The following PSD3 variants were observed in gnomAD, a reference collection of about 807,000 sequenced individuals.
The protein encoded by PSD3 is pleckstrin and Sec7 domain containing 3.
Under a neutral mutation model 105.5 loss-of-function variants are expected in PSD3, and 49 were observed. The ratio of observed to expected loss-of-function variants is 0.46; its 90% CI spans 0.37 to 0.59. The LOEUF (loss-of-function observed/expected upper bound fraction) is 0.59, where lower values mean the gene tolerates loss of function less well. Ranked by LOEUF, PSD3 falls within the 20% of genes least tolerant of loss-of-function variation. The pLI, the probability that PSD3 is intolerant of heterozygous loss-of-function variation, is 0.00. For missense variants in PSD3, 1,561 were observed against 1,263.8 expected (o/e 1.24, Z -3.57); for synonymous variants, 557 against 457.8 (o/e 1.22, Z -2.77).
chr8:18,625,827 T>C (rs943455605), intron 11 of PSD3, among the ~76,000 whole-genome samples: 12 of 152,162 alleles, frequency 7.9e-5, no homozygotes, highest in African/African-American at 2.9e-4. Context: ...ATTAAATGTA[T>C]TAATGCATGA....
In PSD3 at chr8:19,043,529, C is replaced by G. The variant is rs572501828; in HGVS notation, c.324+40677G>C. Among the ~76,000 whole-genome samples, 22 of 152,176 alleles carry G rather than the reference C, an allele frequency of 1.4e-4. No individual in the cohort carries two copies. In the South Asian group the frequency reaches 3.3e-3, roughly 23 times the overall value. ...GAGTTGTTGGGGGAAATAACATGAC[C>G]ACATATTGTATGAAATCTTGAATAG... is the stretch of plus-strand genomic sequence containing the variant. On this transcript the variant is annotated intron_variant, in intron 1 of 1. Transcript: ENST00000521475.
chr8:18,776,185 C>A (rs1808053767), intron 8 of PSD3, among the ~76,000 whole-genome samples: 1 of 150,748 alleles, frequency 6.6e-6, no homozygotes, highest in South Asian at 2.1e-4. Context: ...TTTCTCTATT[C>A]TGTTCCACTG....
At position 18,535,501 on chromosome 8, in the gene PSD3, G is replaced by A. The variant is rs752505574; in HGVS notation, c.*242C>T. On this transcript the variant is annotated 3_prime_UTR_variant, in exon 16 of 16. Transcript: ENST00000327040. Reference sequence around the variant, plus strand: ...GATACATAATTCATTCTGAAATCACGATCCCCTCCTCCTCACAGAAAAGGT... The same window carrying A: ...GATACATAATTCATTCTGAAATCACAATCCCCTCCTCCTCACAGAAAAGGT... 25 of 504,578 alleles carry A rather than the reference G, an allele frequency of 5.0e-5. No individual in the cohort carries two copies. The highest frequency in any genetic ancestry group is 6.5e-5 in the East Asian group (2 of 30,946). The allele number at this position is 504,578 out of a possible 1,614,324, so 31.3% of individuals were successfully genotyped here.
chr8:18,591,077 A>G (rs2130493488), intron 12 of PSD3, among the ~76,000 whole-genome samples: 1 of 152,276 alleles, frequency 6.6e-6, no homozygotes, highest in South Asian at 2.1e-4. Flanking sequence ...ATGGACCAAA[A>G]TACCTACTAA....
chr8:18,574,940 TG>T (rs1369601877), intron 13 of PSD3, among the ~76,000 whole-genome samples, 187 bp downstream of exon 13: 1 of 151,452 alleles, frequency 6.6e-6, no homozygotes, highest in Non-Finnish European at 1.5e-5. Flanking sequence ...CAGGTAAAAA[TG>T]TAAATCCTGG....
At chr8:18,682,268 ACCATGGGTATACT>A (rs1447527644) in intron 9 of PSD3, among the ~76,000 whole-genome samples, 5 of 152,226 alleles carry the variant, frequency 3.3e-5, no homozygotes, top group Admixed American at 1.3e-4. Flanking sequence ...CTGACTGCAT[ACCATGGGTATACT>A]CCACATTAAA....
At chr8:19,076,866 G>A (rs1829478198) in intron 1 of PSD3, among the ~76,000 whole-genome samples, 1 of 152,132 alleles carries the variant, frequency 6.6e-6, no homozygotes. Context: ...CAGGTAGGAA[G>A]CACGGTGTTA....
At chr8:18,901,091 GT>G (rs1025057841) in intron 2 of PSD3, among the ~76,000 whole-genome samples, 3 of 152,004 alleles carry the variant, frequency 2.0e-5, no homozygotes, top group African/African-American at 4.8e-5. Context: ...AAGTAGATGT[GT>G]TTCTATTTCA....
chr8:18,653,118 G>C (rs1172749383), intron 10 of PSD3, among the ~76,000 whole-genome samples: 1 of 152,120 alleles, frequency 6.6e-6, no homozygotes, highest in Non-Finnish European at 1.5e-5. Context: ...TAATCCCTTT[G>C]TTTTATATCT....
rs1403212321 is a variant in PSD3 at position 18,528,199 on chromosome 8, C to T, written c.*7544G>A. 6.6e-6 allele frequency: 1 copy of T among 152,148 alleles called. No homozygotes were observed. Among genetic ancestry groups the T allele is most frequent in the Non-Finnish European group, 1.5e-5 (1 of 68,040 alleles). The allele number at this position is 152,148 out of a possible 1,614,324, so 9.4% of individuals were successfully genotyped here. A position where few individuals can be genotyped will look rare whatever the true frequency, so the allele number is the denominator to read the frequency against. ...AAGAGACTGCAGGGAGGTGGTTAGG[C>T]CTTTACCTAACAGCTCTGATCTGGA... is the stretch of plus-strand genomic sequence containing the variant. On this transcript the variant is annotated 3_prime_UTR_variant, in exon 16 of 16. Coordinates refer to ENST00000327040, the MANE Select transcript of PSD3 (RefSeq NM_015310.4).
At chr8:18,715,285 AC>A (rs1802512143) in intron 9 of PSD3, among the ~76,000 whole-genome samples, 1 of 152,354 alleles carries the variant, frequency 6.6e-6, no homozygotes, top group African/African-American at 2.4e-5. Flanking sequence ...AAAGAAAAAA[AC>A]ATGCTAGTCA....
At chr8:18,642,405 G>T (rs1353151255) in intron 10 of PSD3, among the ~76,000 whole-genome samples, 1 of 151,978 alleles carries the variant, frequency 6.6e-6, no homozygotes, top group South Asian at 2.1e-4. Context: ...TGTCTAAAAT[G>T]CTCCTCATAT....
At chr8:19,050,809 A>G (rs1463671342) in intron 1 of PSD3, among the ~76,000 whole-genome samples, 1 of 152,182 alleles carries the variant, frequency 6.6e-6, no homozygotes, top group African/African-American at 2.4e-5. Context: ...CACATTGTGC[A>G]TATGTACCCT....
intron 11 of PSD3, among the ~76,000 whole-genome samples, chr8:18,607,705 A>AAAAAAAAAAT: frequency 6.6e-6 from 1 of 150,560 alleles, no homozygotes; most frequent in Non-Finnish European, 1.5e-5. Context: ...ACAAAACAAA[A>AAAAAAAAAAT]AAAAAAAGGA....
intron 1 of PSD3, among the ~76,000 whole-genome samples, chr8:18,966,742 C>A (rs73204530): frequency 0.19 from 29,167 of 151,976 alleles, 3,128 homozygotes; most frequent in Non-Finnish European, 0.24. Flanking sequence ...TCCGGACCAA[C>A]GGGCACATCT....
chr8:18,928,437 C>T (rs760851613), intron 2 of PSD3, among the ~76,000 whole-genome samples: 3 of 152,106 alleles, frequency 2.0e-5, no homozygotes, highest in Non-Finnish European at 4.4e-5. Flanking sequence ...TTATTAGCAG[C>T]GTGAGAACAG....
chr8:18,611,593 T>TG (rs1376628438), intron 11 of PSD3, among the ~76,000 whole-genome samples: 1 of 152,054 alleles, frequency 6.6e-6, no homozygotes, highest in Non-Finnish European at 1.5e-5. Context: ...CCTTTGGATT[T>TG]TTTTTTTAAT....
At chr8:18,609,357 G>A (rs1469366600) in intron 11 of PSD3, among the ~76,000 whole-genome samples, 2 of 152,196 alleles carry the variant, frequency 1.3e-5, no homozygotes, top group Non-Finnish European at 2.9e-5. Context: ...ATTTCCTGAG[G>A]TTAACGGAGA....
chr8:18,883,182 A>G (rs1489340347), intron 2 of PSD3, among the ~76,000 whole-genome samples: 1 of 152,178 alleles, frequency 6.6e-6, no homozygotes, highest in Non-Finnish European at 1.5e-5. Context: ...ACACACCTCC[A>G]GAAAACTACA....
Sources: allele counts gnomAD v4.1 joint callset (sites outside exome capture counted in the v4.1 genomes callset), GRCh38; gene constraint gnomAD v4.1.1; transcripts MANE v1.5; gene names NCBI Gene and HGNC (gene_info 2026-07-23, HGNC 2026-07-21).